Variants in PDZRN4 observed in about 807,000 individuals in gnomAD.
The protein encoded by PDZRN4 is PDZ domain containing ring finger 4, also known as PDZ domain-containing RING finger protein 4.
In PDZRN4, 70 loss-of-function variants were observed where a neutral mutation model predicts 99.0. The observed-to-expected ratio is 0.71, with a 90% CI of 0.58 to 0.86. The LOEUF is 0.86. Among genes scored for constraint, PDZRN4 ranks in the 40% least tolerant of loss-of-function variants. The probability of loss-of-function intolerance (pLI) is 0.00; values close to 1 mark genes in which losing one functional copy is unlikely to be tolerated. For missense variants in PDZRN4, 1,474 were observed against 1,331.2 expected, an observed-to-expected ratio of 1.11 and a Z score of -1.67; for synonymous variants, 551 against 501.6, an observed-to-expected ratio of 1.10 and a Z score of -1.32.
intron 3 of PDZRN4, among the ~76,000 whole-genome samples, chr12:41,366,708 T>G (rs543135276): frequency 6.6e-6 from 1 of 152,182 alleles, no homozygotes; most frequent in East Asian, 1.9e-4. Context: ...ATTCTAAAAT[T>G]CTACATAAGG....
intron 3 of PDZRN4, among the ~76,000 whole-genome samples, chr12:41,349,886 C>T (rs899387048): frequency 6.6e-6 from 1 of 151,572 alleles, no homozygotes; most frequent in Non-Finnish European, 1.5e-5. Flanking sequence ...TGTCCTTGAG[C>T]TAATTATTGA....
chr12:41,354,921 A>G (rs1176656057), intron 3 of PDZRN4, among the ~76,000 whole-genome samples: 1 of 152,086 alleles, frequency 6.6e-6, no homozygotes, highest in Non-Finnish European at 1.5e-5. Context: ...GAAGAATTCA[A>G]TGTATATTTC....
At position 41,529,485 on chromosome 12, in the gene PDZRN4, A is replaced by G. The variant is rs541036387; in HGVS notation, c.1203+19572A>G. On this transcript the variant is annotated intron_variant, in intron 5 of 9. Transcript: ENST00000402685. ...TTTTTTAAAAGATGATATCCCTAAT[A>G]TCTAGCATCAGACACACACATTTAT... is the stretch of plus-strand genomic sequence containing the variant. Among the ~76,000 whole-genome samples the G allele has an allele frequency of 1.6e-4, 24 of 152,314 alleles. 1 individual carries two copies. The South Asian group carries it at 5.0e-3, about 32-fold the overall frequency.
At chr12:41,446,330 C>A (rs528498520) in intron 3 of PDZRN4, among the ~76,000 whole-genome samples, 9 of 151,476 alleles carry the variant, frequency 5.9e-5, no homozygotes, top group African/African-American at 1.9e-4. Context: ...ACCTCTCACT[C>A]CTAGGCCTCT....
intron 3 of PDZRN4, among the ~76,000 whole-genome samples, chr12:41,465,882 T>G (rs1952919587): frequency 2.6e-5 from 4 of 152,238 alleles, no homozygotes; most frequent in Admixed American, 2.6e-4. Context: ...TACACATTAC[T>G]GTTTCAGTGT....
In PDZRN4 at chr12:41,196,038, GTTACA is replaced by G. The variant is rs1950769750; in HGVS notation, c.843+1854_843+1858del. ...ACAATATTATGTATGCTTCATTAAT[GTTACA>G]TTAGAAAAGAAAAAGAATTTTTTAT... On this transcript the variant is annotated intron_variant, in intron 3 of 9. Transcript: ENST00000402685. 3.9e-5 allele frequency among the ~76,000 whole-genome samples: 6 copies of G among 152,088 alleles called. No individual in the cohort carries two copies. The South Asian group carries it at 1.2e-3, about 32-fold the overall frequency.
intron 3 of PDZRN4, among the ~76,000 whole-genome samples, chr12:41,243,968 A>G (rs1013452688): frequency 6.6e-6 from 1 of 151,786 alleles, no homozygotes; most frequent in African/African-American, 2.4e-5. Context: ...TTTCCTACAT[A>G]CTCTCAGGTG....
intron 3 of PDZRN4, among the ~76,000 whole-genome samples, chr12:41,292,526 AC>A (rs1205672582): frequency 2.0e-5 from 3 of 151,644 alleles, no homozygotes; most frequent in African/African-American, 4.8e-5. Context: ...ACATTTCAGG[AC>A]CCCCCTTTGA....
At chr12:41,504,142 G>A (rs369520868) in intron 3 of PDZRN4, among the ~76,000 whole-genome samples, 28 of 152,184 alleles carry the variant, frequency 1.8e-4, no homozygotes, top group East Asian at 1.6e-3. Flanking sequence ...GGTGGCATGC[G>A]CCTGTTACCC....
intron 3 of PDZRN4, among the ~76,000 whole-genome samples, chr12:41,447,889 AAAG>A (rs1432889277): frequency 2.7e-5 from 4 of 149,962 alleles, no homozygotes; most frequent in Non-Finnish European, 6.0e-5. Flanking sequence ...AGTATCTCAT[AAAG>A]AAAAAAATGG....
intron 3 of PDZRN4, among the ~76,000 whole-genome samples, chr12:41,458,159 T>TTG (rs1480326680): frequency 3.3e-5 from 5 of 152,118 alleles, no homozygotes; most frequent in Non-Finnish European, 5.9e-5. Flanking sequence ...GTGACTTTTT[T>TTG]TGTGTGTGTG....
chr12:41,307,037 T>C (rs1246560267), intron 3 of PDZRN4, among the ~76,000 whole-genome samples: 1 of 152,196 alleles, frequency 6.6e-6, no homozygotes, highest in Admixed American at 6.5e-5. Context: ...AATCCCTTTA[T>C]GGCAACCCTG....
intron 3 of PDZRN4, among the ~76,000 whole-genome samples, chr12:41,391,541 CT>C (rs1306373484): frequency 1.3e-5 from 2 of 152,168 alleles, no homozygotes; most frequent in East Asian, 3.8e-4. Context: ...AGCCACCTTA[CT>C]TACTGAGGCT....
At chr12:41,407,478 A>G (rs1374567910) in intron 3 of PDZRN4, among the ~76,000 whole-genome samples, 3 of 152,160 alleles carry the variant, frequency 2.0e-5, no homozygotes, top group African/African-American at 4.8e-5. Flanking sequence ...CTGTCATTCA[A>G]TAATTTCATG....
At chr12:41,490,191 C>T (rs529173244) in intron 3 of PDZRN4, among the ~76,000 whole-genome samples, 117 of 152,212 alleles carry the variant, frequency 7.7e-4, no homozygotes, top group African/African-American at 2.7e-3. Context: ...TTGCAGATAT[C>T]AAGACTAACT....
intron 3 of PDZRN4, among the ~76,000 whole-genome samples, chr12:41,210,829 C>T (rs569966464): frequency 1.3e-5 from 2 of 151,764 alleles, no homozygotes; most frequent in African/African-American, 4.8e-5. Context: ...CCCAGAATTG[C>T]AGACACCATA....
chr12:41,222,436 C>T (rs1377713753), intron 3 of PDZRN4, among the ~76,000 whole-genome samples: 5 of 152,092 alleles, frequency 3.3e-5, no homozygotes, highest in African/African-American at 2.4e-5. Context: ...AATGAGAAAA[C>T]TCATTTCGTA....
At position 41,524,328 on chromosome 12, in the gene PDZRN4, T is replaced by C. The variant is rs548110774; in HGVS notation, c.1203+14415T>C. On this transcript the variant is annotated intron_variant, in intron 5 of 9. Transcript: ENST00000402685. ...AATGCAATTCCTATCAAAATCCCAA[T>C]GGCATATTAACTCATTTAAGCTTTA... Among the ~76,000 whole-genome samples, 8 of 152,236 alleles carry C rather than the reference T, an allele frequency of 5.3e-5. No homozygotes were observed. The South Asian group carries it at 1.5e-3, about 28-fold the overall frequency.
intron 3 of PDZRN4, among the ~76,000 whole-genome samples, chr12:41,294,425 A>C (rs1196123637): frequency 1.1e-4 from 16 of 152,190 alleles, no homozygotes. Context: ...TTTTATATGA[A>C]CTATAAATGA....
Sources: gnomAD v4.1 joint callset for allele counts (sites outside exome capture counted in the v4.1 genomes callset) on GRCh38, gnomAD v4.1.1 for gene constraint, MANE v1.5 for transcripts, NCBI Gene and HGNC (gene_info 2026-07-23, HGNC 2026-07-21) for gene names.